The following PTPRD variants were observed in gnomAD, a reference collection of about 807,000 sequenced individuals.
PTPRD encodes receptor-type tyrosine-protein phosphatase delta.
A neutral mutation model predicts 214.5 loss-of-function variants in PTPRD; 34 were observed. The observed-to-expected ratio is 0.16, with a 90% CI of 0.12 to 0.21. PTPRD has a LOEUF of 0.21. PTPRD is among the 10% of genes least tolerant of loss of function. The pLI is 1.00. For missense variants in PTPRD, 2,545 were observed against 2,398.7 expected (o/e 1.06, Z -1.27); for synonymous variants, 1,128 against 845.7 (o/e 1.33, Z -5.79).
intron 11 of PTPRD, among the ~76,000 whole-genome samples, chr9:8,892,512 AAT>A (rs573215948): frequency 0.016 from 2,422 of 150,616 alleles, 63 homozygotes; most frequent in African/African-American, 0.056. Flanking sequence ...TACAAAGTTG[AAT>A]ATATATATAT....
intron 5 of PTPRD, among the ~76,000 whole-genome samples, chr9:9,921,941 A>C (rs1162464022): frequency 6.6e-6 from 1 of 152,220 alleles, no homozygotes; most frequent in Non-Finnish European, 1.5e-5. Flanking sequence ...TAAGTGGCAA[A>C]GCTAGTATTC....
At chr9:8,972,352 C>T (rs1178451050) in intron 11 of PTPRD, among the ~76,000 whole-genome samples, 4 of 151,950 alleles carry the variant, frequency 2.6e-5, no homozygotes, top group South Asian at 2.1e-4. Context: ...GCAAAGAAGA[C>T]GTTAACACAT....
chr9:10,183,781 A>G (rs577415334), intron 3 of PTPRD, among the ~76,000 whole-genome samples: 1 of 152,220 alleles, frequency 6.6e-6, no homozygotes, highest in South Asian at 2.1e-4. Context: ...AAAAGCTCCA[A>G]GAAAATCAAA....
At chr9:9,888,526 G>A (rs2071872682) in intron 5 of PTPRD, among the ~76,000 whole-genome samples, 1 of 152,096 alleles carries the variant, frequency 6.6e-6, no homozygotes, top group South Asian at 2.1e-4. Context: ...TCAAAGTAAT[G>A]AGTGAGATCT....
chr9:9,910,888 A>T (rs1235346135), intron 5 of PTPRD, among the ~76,000 whole-genome samples: 1 of 152,066 alleles, frequency 6.6e-6, no homozygotes, highest in Admixed American at 6.6e-5. Flanking sequence ...TCTTTGTCAA[A>T]ACCCAACAAT....
chr9:10,271,534 CT>C lies in PTPRD; in HGVS notation c.-545+69428del, dbSNP rs1251429330. 1.6e-3 allele frequency among the ~76,000 whole-genome samples: 136 copies of C among 86,668 alleles called. 4 individuals carry two copies. Among genetic ancestry groups the C allele is most frequent in the Non-Finnish European group, 3.5e-3 (117 of 33,646 alleles). The allele number at this position is 86,668 out of a possible 152,430, so 56.9% of individuals were successfully genotyped here. A position where few individuals can be genotyped will look rare whatever the true frequency, so the allele number is the denominator to read the frequency against. On this transcript the variant is annotated intron_variant, in intron 3 of 45. Coordinates refer to ENST00000381196, the MANE Select transcript of PTPRD (RefSeq NM_002839.4). ...CCAATACTGATAAATTCAATTGTTT[CT>C]TTTCTTTTCTTTTCTTTTTTTTTTT... is the stretch of plus-strand genomic sequence containing the variant.
At chr9:8,425,591 G>T (rs556413204) in intron 35 of PTPRD, among the ~76,000 whole-genome samples, 2 of 152,130 alleles carry the variant, frequency 1.3e-5, no homozygotes, top group Non-Finnish European at 1.5e-5. Flanking sequence ...CCAAGTCATG[G>T]GTACTCTGGG....
chr9:9,889,072 C>G (rs2072166022), intron 5 of PTPRD, among the ~76,000 whole-genome samples: 2 of 152,004 alleles, frequency 1.3e-5, no homozygotes, highest in Non-Finnish European at 2.9e-5. Flanking sequence ...AAGAGTTGAT[C>G]TTATATAAGT....
intron 2 of PTPRD, among the ~76,000 whole-genome samples, chr9:10,483,559 G>C (rs1566410922): frequency 6.6e-6 from 1 of 151,642 alleles, no homozygotes. Flanking sequence ...GCATCCACAA[G>C]GAAACAAATT....
At chr9:8,353,928 GTGTGTGTACATATATATATATATA>G (rs2076286072) in intron 39 of PTPRD, among the ~76,000 whole-genome samples, 1 of 105,884 alleles carries the variant, frequency 9.4e-6, no homozygotes, top group Admixed American at 9.7e-5. Context: ...GTATATATAT[GTGTGTGTACATATATATATATATA>G]TATATATATA....
At chr9:8,325,982 G>T (rs1470711621) in intron 44 of PTPRD, among the ~76,000 whole-genome samples, 1 of 152,182 alleles carries the variant, frequency 6.6e-6, no homozygotes, top group Non-Finnish European at 1.5e-5. Flanking sequence ...GAGATGATGG[G>T]GTTTTCTAAA....
At chr9:9,738,439 CTTT>C (rs71319292) in intron 6 of PTPRD, among the ~76,000 whole-genome samples, 3 of 76,518 alleles carry the variant, frequency 3.9e-5, no homozygotes, top group Admixed American at 1.8e-4. Context: ...CACTCACTCA[CTTT>C]TTTTTTTTTT....
chr9:10,362,715 A>G (rs989490038), intron 2 of PTPRD, among the ~76,000 whole-genome samples: 1 of 152,054 alleles, frequency 6.6e-6, no homozygotes, highest in African/African-American at 2.4e-5. Flanking sequence ...CCCCGTCTCT[A>G]TTAAAAATAT....
chr9:10,200,877 A>G (rs1407301519), intron 3 of PTPRD, among the ~76,000 whole-genome samples: 1 of 152,136 alleles, frequency 6.6e-6, no homozygotes, highest in Non-Finnish European at 1.5e-5. Context: ...AAGAAGAACC[A>G]GGAAACTAAG....
At chr9:10,230,616 G>A (rs973543343) in intron 3 of PTPRD, among the ~76,000 whole-genome samples, 1 of 151,926 alleles carries the variant, frequency 6.6e-6, no homozygotes, top group African/African-American at 2.4e-5. Context: ...ACTAAGTGAA[G>A]CCACTTAGTC....
chr9:8,740,775 G>C (rs144727345), intron 11 of PTPRD, among the ~76,000 whole-genome samples: 1 of 152,110 alleles, frequency 6.6e-6, no homozygotes, highest in Non-Finnish European at 1.5e-5. Flanking sequence ...TAGTTTAAGA[G>C]CTATTACATA....
At chr9:9,245,630 G>A (rs1033558747) in intron 9 of PTPRD, among the ~76,000 whole-genome samples, 7 of 151,652 alleles carry the variant, frequency 4.6e-5, no homozygotes, top group African/African-American at 7.3e-5. Context: ...GGGGTGGGGG[G>A]ATGGGGGAGG....
intron 6 of PTPRD, among the ~76,000 whole-genome samples, chr9:9,755,788 C>G (rs1032894317): frequency 6.6e-6 from 1 of 151,992 alleles, no homozygotes; most frequent in Non-Finnish European, 1.5e-5. Context: ...TTCATTTAGA[C>G]TTACTTACTC....
At chr9:8,927,049 C>T (rs567711324) in intron 11 of PTPRD, among the ~76,000 whole-genome samples, 5 of 152,012 alleles carry the variant, frequency 3.3e-5, no homozygotes, top group African/African-American at 7.2e-5. Flanking sequence ...GAGGTCCAGA[C>T]ATTGAATGAT....
Sources: allele counts gnomAD v4.1 joint callset (sites outside exome capture counted in the v4.1 genomes callset), GRCh38; gene constraint gnomAD v4.1.1; transcripts MANE v1.5; gene names NCBI Gene and HGNC (gene_info 2026-07-23, HGNC 2026-07-21).